Variants in HS3ST4 observed in about 807,000 individuals in gnomAD.
HS3ST4 encodes heparan sulfate-glucosamine 3-sulfotransferase 4.
In HS3ST4, 17 loss-of-function variants were observed where a neutral mutation model predicts 29.2. The observed-to-expected ratio is 0.58, with a 90% CI of 0.40 to 0.87. The LOEUF is 0.87. Among genes scored for constraint, HS3ST4 ranks in the 40% least tolerant of loss-of-function variants. HS3ST4 has a pLI of 0.00. For synonymous variants in HS3ST4, 314 were observed against 285.7 expected, an observed-to-expected ratio of 1.10 and a Z score of -1.00; for missense variants, 627 against 634.5, an observed-to-expected ratio of 0.99 and a Z score of 0.13.
chr16:25,844,035 A>G (rs1967440910), intron 1 of HS3ST4, among the ~76,000 whole-genome samples: 1 of 152,232 alleles, frequency 6.6e-6, no homozygotes. Context: ...AATGAGTTAA[A>G]GTACTAATTT....
At chr16:26,120,951 T>C (rs1899267583) in intron 1 of HS3ST4, among the ~76,000 whole-genome samples, 1 of 152,210 alleles carries the variant, frequency 6.6e-6, no homozygotes, top group Non-Finnish European at 1.5e-5. Flanking sequence ...CGACAATAAT[T>C]AACACGCGTA....
In HS3ST4 at chr16:25,913,664, T is replaced by A. The variant is rs139056554; in HGVS notation, c.734+220513T>A. On this transcript the variant is annotated intron_variant, in intron 1 of 1. Coordinates refer to ENST00000331351, the MANE Select transcript of HS3ST4 (RefSeq NM_006040.3). Reference sequence around the variant, plus strand: ...TGCAGGGTAGAGAAGAAAGGAAGGGTTACTAGGTTGAGAGAAAATGGAATG... The same window carrying A: ...TGCAGGGTAGAGAAGAAAGGAAGGGATACTAGGTTGAGAGAAAATGGAATG... 4.6e-3 allele frequency among the ~76,000 whole-genome samples: 703 copies of A among 152,234 alleles called. 10 individuals carry two copies. The highest frequency in any genetic ancestry group is 0.016 in the African/African-American group (685 of 41,536).
At chr16:25,762,243 C>T (rs1966792919) in intron 1 of HS3ST4, among the ~76,000 whole-genome samples, 3 of 152,118 alleles carry the variant, frequency 2.0e-5, no homozygotes, top group South Asian at 4.1e-4. Context: ...TATGGTATTC[C>T]GTTACAGCAG....
intron 1 of HS3ST4, among the ~76,000 whole-genome samples, chr16:26,081,287 C>CAAA (rs11305983): frequency 0.016 from 2,156 of 130,998 alleles, 46 homozygotes; most frequent in African/African-American, 0.041. Context: ...AATCCTGTCT[C>CAAA]AAAAAAAAAA....
chr16:25,720,665 C>G (rs1173196339), intron 1 of HS3ST4, among the ~76,000 whole-genome samples: 2 of 152,198 alleles, frequency 1.3e-5, no homozygotes, highest in African/African-American at 2.4e-5. Context: ...TTGCACCAGT[C>G]ACATCACCAC....
chr16:26,013,116 A>G (rs1969326406), intron 1 of HS3ST4, among the ~76,000 whole-genome samples: 1 of 152,166 alleles, frequency 6.6e-6, no homozygotes, highest in South Asian at 2.1e-4. Flanking sequence ...CTGAGCTGAG[A>G]TCGTGCCACT....
At chr16:25,750,078 G>A (rs1173348791) in intron 1 of HS3ST4, among the ~76,000 whole-genome samples, 1 of 152,144 alleles carries the variant, frequency 6.6e-6, no homozygotes, top group Non-Finnish European at 1.5e-5. Context: ...TGTCTTAGAT[G>A]GAAAATCCCA....
intron 1 of HS3ST4, among the ~76,000 whole-genome samples, chr16:26,093,362 C>T (rs903600946): frequency 2.6e-5 from 4 of 152,074 alleles, no homozygotes; most frequent in Non-Finnish European, 5.9e-5. Context: ...CTCATACAGG[C>T]GGGTGCTCCT....
intron 1 of HS3ST4, among the ~76,000 whole-genome samples, chr16:25,815,417 A>G (rs959598466): frequency 1.3e-5 from 2 of 152,256 alleles, no homozygotes; most frequent in African/African-American, 4.8e-5. Flanking sequence ...TCCGCCTCCC[A>G]AGTTCAAGCG....
At chr16:26,015,669 C>T (rs1367700200) in intron 1 of HS3ST4, among the ~76,000 whole-genome samples, 1 of 152,260 alleles carries the variant, frequency 6.6e-6, no homozygotes, top group Admixed American at 6.5e-5. Context: ...CACCTTGAAC[C>T]GTCTTGTTAA....
intron 1 of HS3ST4, among the ~76,000 whole-genome samples, chr16:25,942,803 T>C (rs750501493): frequency 1.3e-5 from 2 of 151,912 alleles, no homozygotes; most frequent in Non-Finnish European, 2.9e-5. Context: ...AAAACTTTCC[T>C]TAGAGACAGA....
At chr16:26,101,247 C>A (rs745775979) in intron 1 of HS3ST4, among the ~76,000 whole-genome samples, 1 of 152,210 alleles carries the variant, frequency 6.6e-6, no homozygotes, top group Non-Finnish European at 1.5e-5. Context: ...CTCCTTATAC[C>A]TGGAATGCTA....
At chr16:25,750,832 C>G (rs1966714012) in intron 1 of HS3ST4, among the ~76,000 whole-genome samples, 1 of 152,202 alleles carries the variant, frequency 6.6e-6, no homozygotes, top group African/African-American at 2.4e-5. Flanking sequence ...TTCCCTTCTA[C>G]TTCTTTCTTT....
rs141851355 is a variant in HS3ST4 at position 25,796,941 on chromosome 16, GGCCACTAGA to G, written c.734+103795_734+103803del. 7.0e-3 allele frequency among the ~76,000 whole-genome samples: 1,062 copies of G among 152,268 alleles called. 2 individuals carry two copies. The highest frequency in any genetic ancestry group is 0.01 in the Non-Finnish European group (705 of 68,012). ...CTGGTGGGAGTGCCTTAGTGTCATG[GGCCACTAGA>G]GCCAGAGGTATTTTCTGGGCCTCCT... On this transcript the variant is annotated intron_variant, in intron 1 of 1. Transcript: ENST00000331351.
At chr16:25,899,767 G>C (rs2141672755) in intron 1 of HS3ST4, among the ~76,000 whole-genome samples, 1 of 51,508 alleles carries the variant, frequency 1.9e-5, no homozygotes, top group East Asian at 4.0e-4. Flanking sequence ...CTTCTTAGGG[G>C]TAAGGAAAAC....
chr16:25,699,230 G>C (rs1409118159), intron 1 of HS3ST4, among the ~76,000 whole-genome samples: 1 of 152,128 alleles, frequency 6.6e-6, no homozygotes, highest in African/African-American at 2.4e-5. Context: ...CCAGAATCGT[G>C]GCTTACATGT....
At chr16:26,004,655 A>T (rs751998898) in intron 1 of HS3ST4, among the ~76,000 whole-genome samples, 1 of 152,212 alleles carries the variant, frequency 6.6e-6, no homozygotes, top group Non-Finnish European at 1.5e-5. Context: ...TTATGGAAGT[A>T]TGAAGTTAAA....
intron 1 of HS3ST4, among the ~76,000 whole-genome samples, chr16:25,911,502 T>G (rs1287682334): frequency 1.4e-4 from 19 of 136,990 alleles, no homozygotes; most frequent in African/African-American, 5.2e-4. Flanking sequence ...TGTGGTTTTT[T>G]TTTTTTTTTT....
At chr16:25,841,524 A>G (rs975856662) in intron 1 of HS3ST4, among the ~76,000 whole-genome samples, 1 of 152,142 alleles carries the variant, frequency 6.6e-6, no homozygotes, top group African/African-American at 2.4e-5. Context: ...GGCCCAAAAT[A>G]TCTGCCTACC....
Sources: gnomAD v4.1 joint callset for allele counts (sites outside exome capture counted in the v4.1 genomes callset) on GRCh38, gnomAD v4.1.1 for gene constraint, MANE v1.5 for transcripts, NCBI Gene and HGNC (gene_info 2026-07-23, HGNC 2026-07-21) for gene names.